Variants in LINGO2 observed in about 807,000 individuals in gnomAD.
LINGO2 encodes leucine-rich repeat and immunoglobulin-like domain-containing nogo receptor-interacting protein 2.
In LINGO2, 14 loss-of-function variants were observed where a neutral mutation model predicts 30.6. The ratio of observed to expected loss-of-function variants is 0.46; its 90% CI spans 0.30 to 0.72. The LOEUF (loss-of-function observed/expected upper bound fraction) is 0.72, where lower values mean the gene tolerates loss of function less well. Among genes scored for constraint, LINGO2 ranks in the 30% least tolerant of loss-of-function variants. The pLI, the probability that LINGO2 is intolerant of heterozygous loss-of-function variation, is 0.07. For missense variants in LINGO2, 729 were observed against 751.7 expected, an observed-to-expected ratio of 0.97 and a Z score of 0.35; for synonymous variants, 317 against 288.5, an observed-to-expected ratio of 1.10 and a Z score of -1.00.
chr9:28,354,652 CACA>C (rs973082319), intron 3 of LINGO2, among the ~76,000 whole-genome samples: 108 of 152,158 alleles, frequency 7.1e-4, no homozygotes, highest in African/African-American at 2.5e-3. Context: ...TCCCCTTAAA[CACA>C]ACAACCCTGT....
intron 4 of LINGO2, among the ~76,000 whole-genome samples, chr9:28,219,601 T>C (rs192636578): frequency 1.3e-5 from 2 of 152,360 alleles, no homozygotes; most frequent in Non-Finnish European, 2.9e-5. Context: ...GGTTCTGTTT[T>C]GGCAAATCAG....
intron 1 of LINGO2, among the ~76,000 whole-genome samples, chr9:28,531,832 G>C (rs1220760412): frequency 1.3e-5 from 2 of 151,978 alleles, no homozygotes; most frequent in Non-Finnish European, 2.9e-5. Flanking sequence ...AAAAGCTTTT[G>C]TGTGTGAAAA....
chr9:28,297,045 C>G (rs1823948755), intron 3 of LINGO2, among the ~76,000 whole-genome samples: 2 of 152,098 alleles, frequency 1.3e-5, no homozygotes, highest in African/African-American at 4.8e-5. Context: ...AAGCCGTATA[C>G]TAGTGGACCA....
intron 2 of LINGO2, among the ~76,000 whole-genome samples, chr9:28,468,257 T>C (rs978228123): frequency 1.8e-4 from 27 of 152,290 alleles, no homozygotes; most frequent in African/African-American, 6.3e-4. Context: ...AGGTGGAAGA[T>C]GATGTCAATA....
At chr9:29,121,354 A>C in the LINGO2 span, among the ~76,000 whole-genome samples, 2 of 152,160 alleles carry the variant, frequency 1.3e-5, no homozygotes, top group Admixed American at 6.5e-5. Context: ...CAAATGCTAT[A>C]TTTTTAAGCA....
intron 1 of LINGO2, among the ~76,000 whole-genome samples, chr9:28,664,857 C>T (rs1402940897): frequency 6.6e-6 from 1 of 151,722 alleles, no homozygotes; most frequent in Non-Finnish European, 1.5e-5. Context: ...CCTTGCTTTA[C>T]TTTTAACTGA....
chr9:28,594,576 T>A (rs1311449246), intron 1 of LINGO2, among the ~76,000 whole-genome samples: 1 of 152,108 alleles, frequency 6.6e-6, no homozygotes, highest in East Asian at 1.9e-4. Context: ...TTCTTAGTTG[T>A]TTGCTAAAGT....
At chr9:29,188,701 G>T in the LINGO2 span, among the ~76,000 whole-genome samples, 4 of 140,422 alleles carry the variant, frequency 2.8e-5, 1 homozygote, top group Admixed American at 2.9e-4. Flanking sequence ...CCAGGCGGGG[G>T]GCTGACCCCC....
At chr9:28,757,046 A>T in the LINGO2 span, among the ~76,000 whole-genome samples, 1 of 152,060 alleles carries the variant, frequency 6.6e-6, no homozygotes, top group Non-Finnish European at 1.5e-5. Flanking sequence ...TATAAATCCA[A>T]TGATGATGAT....
intron 4 of LINGO2, among the ~76,000 whole-genome samples, chr9:28,172,337 G>A (rs1342104906): frequency 6.7e-6 from 1 of 149,610 alleles, no homozygotes; most frequent in Non-Finnish European, 1.5e-5. Context: ...CTTGCAGTGA[G>A]CCGAGATCCC....
chr9:29,110,842 C>T, the LINGO2 span, among the ~76,000 whole-genome samples: 1 of 151,962 alleles, frequency 6.6e-6, no homozygotes, highest in Non-Finnish European at 1.5e-5. Context: ...AGGCGCTCGC[C>T]ACCACGCCCA....
chr9:28,778,036 A>G, the LINGO2 span, among the ~76,000 whole-genome samples: 1 of 152,060 alleles, frequency 6.6e-6, no homozygotes, highest in Non-Finnish European at 1.5e-5. Flanking sequence ...TCTTTCTGAT[A>G]TGATTGATAG....
At chr9:28,678,776 G>A in the LINGO2 span, among the ~76,000 whole-genome samples, 1 of 152,032 alleles carries the variant, frequency 6.6e-6, no homozygotes, top group Non-Finnish European at 1.5e-5. Flanking sequence ...TTGCTTTCCT[G>A]ATAAACATGC....
chr9:28,747,273 T>C, the LINGO2 span, among the ~76,000 whole-genome samples: 2 of 151,894 alleles, frequency 1.3e-5, no homozygotes, highest in South Asian at 2.1e-4. Context: ...AGAGTGAAGA[T>C]TGGCTACTGG....
the LINGO2 span, among the ~76,000 whole-genome samples, chr9:28,699,746 G>A: frequency 6.6e-6 from 1 of 151,906 alleles, no homozygotes; most frequent in Non-Finnish European, 1.5e-5. Context: ...GAAACGAATT[G>A]TATTCCTGGG....
intron 2 of LINGO2, among the ~76,000 whole-genome samples, chr9:28,449,032 C>CGTGTGTGTGTGTGTGTGT (rs140779747): frequency 1.5e-5 from 2 of 137,910 alleles, no homozygotes; most frequent in African/African-American, 5.3e-5. Context: ...TATTCACATT[C>CGTGTGTGTGTGTGTGTGT]GTGTGTGTGT....
At chr9:29,006,510 T>C in the LINGO2 span, among the ~76,000 whole-genome samples, 2 of 152,040 alleles carry the variant, frequency 1.3e-5, no homozygotes, top group Non-Finnish European at 2.9e-5. Context: ...ATCTTATCAG[T>C]AATGCTTCAC....
At chr9:29,039,510 C>G in the LINGO2 span, among the ~76,000 whole-genome samples, 1 of 152,242 alleles carries the variant, frequency 6.6e-6, no homozygotes, top group South Asian at 2.1e-4. Flanking sequence ...CATGGTGACA[C>G]ACAGCACCAT....
chr9:29,211,557 CCTTCT>C, the LINGO2 span, among the ~76,000 whole-genome samples: 431 of 150,870 alleles, frequency 2.9e-3, 1 homozygote, highest in Non-Finnish European at 5.1e-3. Context: ...TCCTTCTCAT[CCTTCT>C]CTTCTCTTCT....
Sources: gnomAD v4.1 joint callset for allele counts (sites outside exome capture counted in the v4.1 genomes callset) on GRCh38, gnomAD v4.1.1 for gene constraint, MANE v1.5 for transcripts, NCBI Gene and HGNC (gene_info 2026-07-23, HGNC 2026-07-21) for gene names.